PPEF1: variants seen among roughly 807,000 people sequenced by gnomAD.
The protein encoded by PPEF1 is serine/threonine-protein phosphatase with EF-hands 1.
In PPEF1, 12 loss-of-function variants were observed where a neutral mutation model predicts 53.3. The ratio of observed to expected loss-of-function variants is 0.23; its 90% CI spans 0.14 to 0.36. The LOEUF (loss-of-function observed/expected upper bound fraction) is 0.36, where lower values mean the gene tolerates loss of function less well. Ranked by LOEUF, PPEF1 falls within the 10% of genes least tolerant of loss-of-function variation. The pLI, the probability that PPEF1 is intolerant of heterozygous loss-of-function variation, is 1.00. For missense variants in PPEF1, 334 were observed against 490.4 expected, an observed-to-expected ratio of 0.68 and a Z score of 3.01; for synonymous variants, 165 against 176.7, an observed-to-expected ratio of 0.93 and a Z score of 0.52.
At chrX:18,681,076 T>A, upstream of PPEF1, among the ~76,000 whole-genome samples, 1 of 111,508 alleles carries the variant, frequency 9.0e-6, no homozygotes, top group African/African-American at 3.3e-5. Context: ...ACAATAAACA[T>A]ACGTGTGCAT....
At chrX:18,825,961 A>T in intron 15 of PPEF1, 126 bp downstream of exon 15, 1 of 440,186 alleles carries the variant, frequency 2.3e-6, no homozygotes, top group Non-Finnish European at 3.8e-6. Context: ...CATTGGTAAG[A>T]TGGAGGCCTT....
At chrX:18,814,820 T>C (rs1003867925) in intron 12 of PPEF1, among the ~76,000 whole-genome samples, 2 of 112,184 alleles carry the variant, frequency 1.8e-5, no homozygotes, top group Non-Finnish European at 3.8e-5. Context: ...TATTTTCTTT[T>C]GCTGTGCAGA....
chrX:18,779,447 C>T (rs1297827356), intron 7 of PPEF1, among the ~76,000 whole-genome samples: 2 of 111,427 alleles, frequency 1.8e-5, no homozygotes, highest in Non-Finnish European at 3.8e-5. Flanking sequence ...CCGACCTTCA[C>T]AGGCTAAATT....
At chrX:18,714,271 T>TG (rs1376939719) in intron 1 of PPEF1, among the ~76,000 whole-genome samples, 18 of 55,660 alleles carry the variant, frequency 3.2e-4, no homozygotes, top group African/African-American at 8.6e-4. Flanking sequence ...TGTTTTTCGT[T>TG]TTTTTGTTTT....
intron 11 of PPEF1, among the ~76,000 whole-genome samples, chrX:18,805,813 A>T (rs1469138103): frequency 1.9e-5 from 2 of 103,668 alleles, no homozygotes; most frequent in African/African-American, 7.1e-5. Flanking sequence ...ATTGCATTCC[A>T]TCATGGTGAG....
intron 4 of PPEF1, chrX:18,691,746 C>T (rs1602343852): frequency 8.9e-6 from 1 of 111,913 alleles, no homozygotes; most frequent in East Asian, 2.8e-4. Flanking sequence ...AATATCCTAG[C>T]TTTCTAAATT....
rs146414654 is a variant in PPEF1 at position 18,808,265 on chromosome X, G to A, written c.1394+1720G>A. Among the ~76,000 whole-genome samples, 486 of 110,183 alleles carry A rather than the reference G, an allele frequency of 4.4e-3. 4 individuals carry two copies. The highest frequency in any genetic ancestry group is 0.016 in the African/African-American group (472 of 30,385). Reference sequence around the variant, plus strand: ...CAGTAGTGAGCCACCACGCCCGGCCGTACGTATATTTTTTAAAGAAAGAAT... The same window carrying A: ...CAGTAGTGAGCCACCACGCCCGGCCATACGTATATTTTTTAAAGAAAGAAT... On this transcript the variant is annotated intron_variant, in intron 12 of 15. Transcript: ENST00000470157.
At chrX:18,744,199 A>G (rs888669930) in intron 3 of PPEF1, among the ~76,000 whole-genome samples, 2 of 112,147 alleles carry the variant, frequency 1.8e-5, no homozygotes, top group African/African-American at 3.2e-5. Context: ...CCTAAATAGG[A>G]TATTTTTAGG....
In PPEF1 at chrX:18,685,650, A is replaced by G. The variant is rs1360359164; in HGVS notation, c.-519-488A>G. Among the ~76,000 whole-genome samples the G allele has an allele frequency of 2.0e-5, 2 of 98,187 alleles. 1 individual carries two copies. The allele number at this position is 98,187 out of a possible 115,157, so 85.3% of individuals were successfully genotyped here. ...CAGTGAGCCGAGATCTCGCCACTGC[A>G]CTCCAGCCTGGGTGAAAGAGCGAGA... On this transcript the variant is annotated intron_variant, in intron 2 of 21. Transcript: ENST00000361511.
intron 2 of PPEF1, among the ~76,000 whole-genome samples, chrX:18,685,400 GTTCTGCC>G (rs1200752423): frequency 2.0e-4 from 22 of 111,926 alleles, no homozygotes; most frequent in African/African-American, 6.8e-4. Flanking sequence ...GATGCAGTGG[GTTCTGCC>G]AGGCACGGTG....
intron 4 of PPEF1, among the ~76,000 whole-genome samples, chrX:18,692,276 T>C (rs1420181753): frequency 2.7e-5 from 3 of 111,856 alleles, no homozygotes; most frequent in Non-Finnish European, 5.6e-5. Context: ...TTGTCCCCCT[T>C]CATGTCCGAC....
At position 18,824,062 on chromosome X, in the gene PPEF1, C is replaced by A. The variant is rs959041789; in HGVS notation, c.1641C>A (p.Ile547=). ...NVEYMSSFQN[I]RIEKPVQEAH... ...AATACATGTCCAGCTTCCAGAATAT[C>A]CGCATTGAAAAACCTGTACAAGAGG... The change falls in exon 14 of 16, where the codon ATC becomes ATA. Residue 547 remains isoleucine (I), a synonymous_variant. Transcript: ENST00000470157. 8.3e-7 allele frequency: 1 copy of A among 1,201,603 alleles called. No individual in the cohort carries two copies. Among genetic ancestry groups the A allele is most frequent in the Non-Finnish European group, 1.1e-6 (1 of 888,630 alleles).
upstream of PPEF1, among the ~76,000 whole-genome samples, chrX:18,703,848 A>G (rs1169201149): frequency 9.1e-6 from 1 of 109,893 alleles, no homozygotes; most frequent in Admixed American, 9.8e-5. Context: ...AATCAGTCCA[A>G]TCAGTGTTTA....
At chrX:18,767,548 AAAAT>A (rs966464481) in intron 6 of PPEF1, among the ~76,000 whole-genome samples, 1 of 112,315 alleles carries the variant, frequency 8.9e-6, no homozygotes, top group Non-Finnish European at 1.9e-5. Flanking sequence ...CCATCTGAAA[AAAAT>A]AAGAAGAAGT....
At chrX:18,745,986 T>C (rs971315468) in intron 3 of PPEF1, among the ~76,000 whole-genome samples, 1 of 112,243 alleles carries the variant, frequency 8.9e-6, no homozygotes, top group African/African-American at 3.2e-5. Context: ...AATTGTTGTA[T>C]AAAAATTTAT....
chrX:18,712,749 T>C (rs1465704310), intron 1 of PPEF1, among the ~76,000 whole-genome samples: 1 of 112,119 alleles, frequency 8.9e-6, no homozygotes, highest in Admixed American at 9.5e-5. Context: ...CTGTGTCTTT[T>C]TCATAGATGC....
At chrX:18,788,185 C>T (rs112583554) in intron 9 of PPEF1, among the ~76,000 whole-genome samples, 2,506 of 106,152 alleles carry the variant, frequency 0.024, 76 homozygotes, top group African/African-American at 0.081. Context: ...GGCGTGGTGG[C>T]GGGCGCCTGT....
intron 3 of PPEF1, among the ~76,000 whole-genome samples, chrX:18,736,340 G>A (rs1005849489): frequency 4.5e-5 from 5 of 111,789 alleles, no homozygotes; most frequent in African/African-American, 9.7e-5. Context: ...TAGCATGAAG[G>A]GCTGTTGGAT....
At chrX:18,714,974 C>T (rs1344850707) in intron 1 of PPEF1, among the ~76,000 whole-genome samples, 1 of 112,019 alleles carries the variant, frequency 8.9e-6, no homozygotes, top group Non-Finnish European at 1.9e-5. Context: ...TCCACCTGAC[C>T]ACAGTACTCT....
Sources: allele counts gnomAD v4.1 joint callset (sites outside exome capture counted in the v4.1 genomes callset), GRCh38; gene constraint gnomAD v4.1.1; transcripts MANE v1.5; gene names NCBI Gene and HGNC (gene_info 2026-07-23, HGNC 2026-07-21).